FUT6: variants seen among roughly 807,000 people sequenced by gnomAD.
The protein encoded by FUT6 is 4-galactosyl-N-acetylglucosaminide 3-alpha-L-fucosyltransferase FUT6.
For synonymous variants in FUT6, 187 were observed against 209.9 expected (o/e 0.89, Z 0.94); for missense variants, 454 against 494.6 (o/e 0.92, Z 0.78).
chr19:5,833,419 G>T (rs186630068), intron 2 of FUT6, among the ~76,000 whole-genome samples: 2 of 151,552 alleles, frequency 1.3e-5, no homozygotes, highest in Non-Finnish European at 2.9e-5. Flanking sequence ...AACCTGGGGG[G>T]TGGAGGTTGC....
Position 5,831,450 on chromosome 19 carries a change from AATGAGG to A in FUT6, c.*32_*37del. On this transcript the variant is annotated 3_prime_UTR_variant, in exon 3 of 3. Transcript: ENST00000318336. The surrounding 1 kb of genome is among the most constrained non-coding windows in gnomAD (Gnocchi z 7.0). ...CCCCACTCAGGTGAGGCCCCAGGAAAATGAGGTTCCTGGCAGCCCAGGCCCCACACC... is the reference window on the plus strand; with the variant it reads ...CCCCACTCAGGTGAGGCCCCAGGAAATTCCTGGCAGCCCAGGCCCCACACC... 3 of 1,613,606 alleles carry A rather than the reference AATGAGG, an allele frequency of 1.9e-6. No individual in the cohort carries two copies. In the South Asian group the frequency reaches 3.3e-5, roughly 18 times the overall value.
chr19:5,832,157 C>T lies in FUT6; in HGVS notation c.411G>A (p.Glu137=), dbSNP rs774104833. The T allele has an allele frequency of 1.2e-6, 2 of 1,613,774 alleles. No individual in the cohort carries two copies. Among genetic ancestry groups the T allele is most frequent in the Non-Finnish European group, 1.7e-6 (2 of 1,180,028 alleles). Residue 137 remains glutamate (E), a synonymous_variant, in exon 3 of 3, where the codon GAG becomes GAA. Coordinates refer to ENST00000318336, the MANE Select transcript of FUT6 (RefSeq NM_000150.4). This position sits in a 1 kb window ranked among gnomAD's most constrained non-coding sequence, Gnocchi z 4.3. ...QGQRWIWFSM[E]SPSHCWQLKA... ...TCAGCTGCCAGCAGTGGCTTGGGGA[C>T]TCCATGCTGAACCAGATCCATCGCT... is the stretch of plus-strand genomic sequence containing the variant.
Position 5,831,441 on chromosome 19 carries a change from C to T in FUT6, c.*47G>A. ...AGATGAGGCCCCCACTCAGGTGAGGCCCCAGGAAAATGAGGTTCCTGGCAG... is the reference window on the plus strand; with the variant it reads ...AGATGAGGCCCCCACTCAGGTGAGGTCCCAGGAAAATGAGGTTCCTGGCAG... On this transcript the variant is annotated 3_prime_UTR_variant, in exon 3 of 3. Transcript: ENST00000318336. This position sits in a 1 kb window ranked among gnomAD's most constrained non-coding sequence, Gnocchi z 7.0. 1.2e-6 allele frequency: 2 copies of T among 1,613,516 alleles called. No homozygotes were observed. Among genetic ancestry groups the T allele is most frequent in the Non-Finnish European group, 1.7e-6 (2 of 1,180,006 alleles).
At chr19:5,836,002 C>T (rs1006670813) in intron 1 of FUT6, among the ~76,000 whole-genome samples, 1 of 152,044 alleles carries the variant, frequency 6.6e-6, no homozygotes, top group African/African-American at 2.4e-5. Context: ...GATTGTCGTG[C>T]CTCAGCCTCT....
chr19:5,831,534 T>C lies in FUT6; in HGVS notation c.1034A>G (p.Glu345Gly). Residue 345 changes from glutamate (E) to glycine (G), a missense_variant, in exon 3 of 3, where the codon GAG becomes GGG. Coordinates refer to ENST00000318336, the MANE Select transcript of FUT6 (RefSeq NM_000150.4). This position sits in a 1 kb window ranked among gnomAD's most constrained non-coding sequence, Gnocchi z 7.0. Reference protein sequence around the residue: ...AFCKACWKLQEESRYQTRGIA... With the variant: ...AFCKACWKLQGESRYQTRGIA... ...GCCGCGTGTCTGGTACCTGGATTCC[T>C]CCTGCAGTTTCCAGCAGGCCTTGCA... is the stretch of plus-strand genomic sequence containing the variant. 3 of 1,614,074 alleles carry C rather than the reference T, an allele frequency of 1.9e-6. No homozygotes were observed. Among genetic ancestry groups the C allele is most frequent in the Non-Finnish European group, 2.5e-6 (3 of 1,179,980 alleles).
At chr19:5,838,061 G>A (rs1162638612) in intron 1 of FUT6, 1 of 152,068 alleles carries the variant, frequency 6.6e-6, no homozygotes, top group Non-Finnish European at 1.5e-5. Context: ...TTATCATGTG[G>A]CCCCTGGGTT....
chr19:5,837,890 A>G (rs1271636639), intron 1 of FUT6: 1 of 152,220 alleles, frequency 6.6e-6, no homozygotes, highest in African/African-American at 2.4e-5. Flanking sequence ...ACAAGCGCAT[A>G]CCAAAGTTCT....
Position 5,838,926 on chromosome 19 carries a change from C to G in FUT6, c.-390G>C, listed in dbSNP as rs1209899430. On this transcript the variant is annotated 5_prime_UTR_variant, in exon 1 of 3. Transcript: ENST00000318336. ...CCCTAATCCCCGTTGCAGAACCAAA[C>G]AGGGTGAAGGGATTTGGAGACTCAG... The G allele has an allele frequency of 6.6e-6, 1 of 152,214 alleles. No individual in the cohort carries two copies. The highest frequency in any genetic ancestry group is 1.5e-5 in the Non-Finnish European group (1 of 68,062). The allele number at this position is 152,214 out of a possible 1,614,324, so 9.4% of individuals were successfully genotyped here. A position where few individuals can be genotyped will look rare whatever the true frequency, so the allele number is the denominator to read the frequency against.
At position 5,832,206 on chromosome 19, in the gene FUT6, G is replaced by A. The variant is rs1172074006; in HGVS notation, c.362C>T (p.Pro121Leu). 6.2e-7 allele frequency: 1 copy of A among 1,613,994 alleles called. No individual in the cohort carries two copies. Among genetic ancestry groups the A allele is most frequent in the Non-Finnish European group, 8.5e-7 (1 of 1,180,006 alleles). Residue 121 changes from proline to leucine, a missense_variant, in exon 3 of 3, where the codon CCA becomes CTA. Physicochemically the swap from Pro to Leu is moderately conservative, Grantham distance 98. Coordinates refer to ENST00000318336, the MANE Select transcript of FUT6 (RefSeq NM_000150.4). This position sits in a 1 kb window ranked among gnomAD's most constrained non-coding sequence, Gnocchi z 4.3. ...EVMYNPSAQL[P>L]RSPRRQGQRW... is the part of the protein sequence containing the mutation. ...CTGCCCCTGCCGCCTCGGGGAGCGT[G>A]GGAGCTGGGCACTGGGGTTGTACAT...
intron 1 of FUT6, among the ~76,000 whole-genome samples, chr19:5,837,646 G>A (rs2057198277): frequency 6.6e-6 from 1 of 151,914 alleles, no homozygotes; most frequent in African/African-American, 2.4e-5. Context: ...GGCACCTGTA[G>A]TCCCAGCTAC....
rs989139953 is a variant in FUT6, at chr19:5,838,836, A to T, written c.-300T>A. 2 of 152,262 alleles carry T rather than the reference A, an allele frequency of 1.3e-5. No homozygotes were observed. Among genetic ancestry groups the T allele is most frequent in the Admixed American group, 6.5e-5 (1 of 15,278 alleles). The allele number at this position is 152,262 out of a possible 1,614,324, so 9.4% of individuals were successfully genotyped here. A position where few individuals can be genotyped will look rare whatever the true frequency, so the allele number is the denominator to read the frequency against. On this transcript the variant is annotated 5_prime_UTR_variant, in exon 1 of 3. It removes an upstream start codon present in the reference 5' UTR. Transcript: ENST00000318336. Reference sequence around the variant, plus strand: ...GCCCTTTCCAACCACCACACCTGTCATCAGGTGACCCAGGGCATCCTGTCC... The same window carrying T: ...GCCCTTTCCAACCACCACACCTGTCTTCAGGTGACCCAGGGCATCCTGTCC...
chr19:5,831,797 C>T lies in FUT6; in HGVS notation c.771G>A (p.Glu257=). The change falls in exon 3 of 3, where the codon GAG becomes GAA. Residue 257 remains glutamate, a synonymous_variant. Transcript: ENST00000318336. The surrounding 1 kb of genome is among the most constrained non-coding windows in gnomAD (Gnocchi z 7.0). ...ENSLHPDYIT[E]KLWRNALEAW... ...CCTCCAGGGCGTTCCTCCACAGCTT[C>T]TCGGTGATGTAGTCGGGGTGCAAGG... 2.5e-6 allele frequency: 4 copies of T among 1,613,900 alleles called. No homozygotes were observed. Among genetic ancestry groups the T allele is most frequent in the Non-Finnish European group, 3.4e-6 (4 of 1,179,846 alleles).
chr19:5,831,415 T>TAGATGAGGCCCCCACTC lies in FUT6; in HGVS notation c.*56_*72dup. The stretch of plus-strand genomic sequence containing the variant: ...AGCTTCAGGCAAACGAGTCCTTAGG[T>TAGATGAGGCCCCCACTC]AGATGAGGCCCCCACTCAGGTGAGG... On this transcript the variant is annotated 3_prime_UTR_variant, in exon 3 of 3. Transcript: ENST00000318336. This position sits in a 1 kb window ranked among gnomAD's most constrained non-coding sequence, Gnocchi z 7.0. The TAGATGAGGCCCCCACTC allele has an allele frequency of 1.9e-6, 3 of 1,612,706 alleles. No homozygotes were observed. The highest frequency in any genetic ancestry group is 2.5e-6 in the Non-Finnish European group (3 of 1,179,870).
intron 1 of FUT6, among the ~76,000 whole-genome samples, 191 bp from the exon 2 acceptor site, chr19:5,835,268 C>T (rs558254403): frequency 6.6e-6 from 1 of 152,280 alleles, no homozygotes; most frequent in African/African-American, 2.4e-5. Context: ...ATCCAAGACC[C>T]CAGCCCTGCC....
intron 2 of FUT6, among the ~76,000 whole-genome samples, chr19:5,833,822 C>T (rs2057141921): frequency 6.6e-6 from 1 of 151,496 alleles, no homozygotes; most frequent in Non-Finnish European, 1.5e-5. Flanking sequence ...GAAATATTCA[C>T]TCGGGGTTTC....
intron 1 of FUT6, among the ~76,000 whole-genome samples, chr19:5,836,206 ATTTTCTTTTC>A (rs112868050): frequency 8.2e-6 from 1 of 121,584 alleles, no homozygotes; most frequent in Non-Finnish European, 1.8e-5. Flanking sequence ...GCTAATGTTA[ATTTTCTTTTC>A]TTTTCTTTTC....
chr19:5,832,956 G>A lies in FUT6; in HGVS notation c.-12-377C>T, dbSNP rs1002648578. 9.5e-5 allele frequency: 26 copies of A among 273,626 alleles called. No individual in the cohort carries two copies. Among genetic ancestry groups the A allele is most frequent in the East Asian group, 7.9e-4 (9 of 11,378 alleles). The allele number at this position is 273,626 out of a possible 1,614,324, so 16.9% of individuals were successfully genotyped here. On this transcript the variant is annotated intron_variant, in intron 2 of 2. Coordinates refer to ENST00000318336, the MANE Select transcript of FUT6 (RefSeq NM_000150.4). The surrounding 1 kb of genome is among the most constrained non-coding windows in gnomAD (Gnocchi z 4.3). The stretch of plus-strand genomic sequence containing the variant: ...AAATGCCCCCCAGTGCCCCTGAGTC[G>A]AGGCTTGAACCCATGACTCTGCTGG...
rs141699860 is a variant in FUT6 at position 5,836,590 on chromosome 19, C to T, written c.-140-1513G>A. Reference sequence around the variant, plus strand: ...ACACCTATAATCCCAATGCTTTGGGCGGCTGAGGTGGGAGGATCGCTTGAT... The same window carrying T: ...ACACCTATAATCCCAATGCTTTGGGTGGCTGAGGTGGGAGGATCGCTTGAT... On this transcript the variant is annotated intron_variant, in intron 1 of 2. Transcript: ENST00000318336. Among the ~76,000 whole-genome samples the T allele has an allele frequency of 2.6e-5, 4 of 152,226 alleles. No homozygotes were observed. In the East Asian group the frequency reaches 7.7e-4, roughly 29 times the overall value.
rs751266727 is a variant in FUT6, at chr19:5,831,329, C to A, written c.*159G>T. ...AAGTGAGGACCCAGGTAGGTGAATCCCCAGGCAGGTGAAGCTGCAACAGGT... is the reference window on the plus strand; with the variant it reads ...AAGTGAGGACCCAGGTAGGTGAATCACCAGGCAGGTGAAGCTGCAACAGGT... On this transcript the variant is annotated 3_prime_UTR_variant, in exon 3 of 3. Transcript: ENST00000318336. This position sits in a 1 kb window ranked among gnomAD's most constrained non-coding sequence, Gnocchi z 7.0. 1 of 1,569,546 alleles carries A rather than the reference C, an allele frequency of 6.4e-7. No individual in the cohort carries two copies. Among genetic ancestry groups the A allele is most frequent in the Non-Finnish European group, 8.7e-7 (1 of 1,148,352 alleles).
Sources: gnomAD v4.1 joint callset for allele counts (sites outside exome capture counted in the v4.1 genomes callset) on GRCh38, gnomAD v4.1.1 for gene constraint, Gnocchi (gnomAD v3.1) non-coding constraint, MANE v1.5 for transcripts, NCBI Gene and HGNC (gene_info 2026-07-23, HGNC 2026-07-21) for gene names.